Variants in CD2AP observed in about 807,000 individuals in gnomAD.
CD2AP encodes CD2 associated protein, also known as CD2-associated protein.
CD2AP carries 46 observed loss-of-function variants against 85.1 expected under a neutral mutation model. The observed-to-expected ratio is 0.54, with a 90% CI of 0.43 to 0.69. The LOEUF is 0.69. Among genes scored for constraint, CD2AP ranks in the 30% least tolerant of loss-of-function variants. The pLI, the probability that CD2AP is intolerant of heterozygous loss-of-function variation, is 0.00. For missense variants in CD2AP, 769 were observed against 729.5 expected (o/e 1.05, Z -0.62); for synonymous variants, 255 against 252.9 (o/e 1.01, Z -0.08).
intron 4 of CD2AP, among the ~76,000 whole-genome samples, chr6:47,553,301 T>G (rs1351282847): frequency 1.3e-5 from 2 of 151,996 alleles, no homozygotes; most frequent in Non-Finnish European, 2.9e-5. Context: ...TTGTGTGTAG[T>G]GCTGCTAAGT....
At chr6:47,617,104 A>G (rs1197695161) in intron 17 of CD2AP, among the ~76,000 whole-genome samples, 1 of 152,094 alleles carries the variant, frequency 6.6e-6, no homozygotes, top group East Asian at 1.9e-4. Flanking sequence ...AGCTGAGACT[A>G]CAGGCATGCA....
At chr6:47,622,620 C>T (rs922227377) in intron 17 of CD2AP, among the ~76,000 whole-genome samples, 2 of 152,130 alleles carry the variant, frequency 1.3e-5, no homozygotes, top group African/African-American at 4.8e-5. Context: ...TTCTCCAGTG[C>T]GGGGTGTGTG....
chr6:47,521,116 A>G (rs1766578471), intron 2 of CD2AP, among the ~76,000 whole-genome samples: 1 of 152,104 alleles, frequency 6.6e-6, no homozygotes, highest in African/African-American at 2.4e-5. Context: ...GAATAGGGAA[A>G]CACCTACTCC....
chr6:47,588,846 A>G (rs1248911909), intron 11 of CD2AP, among the ~76,000 whole-genome samples: 1 of 152,098 alleles, frequency 6.6e-6, no homozygotes, highest in Non-Finnish European at 1.5e-5. Flanking sequence ...CTCCCCAACC[A>G]TAGAATGTAA....
chr6:47,561,961 G>A (rs1657732872), intron 5 of CD2AP, among the ~76,000 whole-genome samples: 2 of 152,120 alleles, frequency 1.3e-5, no homozygotes, highest in African/African-American at 4.8e-5. Context: ...AGTAGTTACA[G>A]GGTTTCACCG....
intron 2 of CD2AP, among the ~76,000 whole-genome samples, chr6:47,519,604 G>T (rs939494991): frequency 2.0e-5 from 3 of 152,178 alleles, no homozygotes; most frequent in Non-Finnish European, 2.9e-5. Flanking sequence ...TGTTAGGATT[G>T]TTTGGTAGCA....
At chr6:47,610,312 A>G (rs1219698804) in intron 16 of CD2AP, among the ~76,000 whole-genome samples, 2 of 152,180 alleles carry the variant, frequency 1.3e-5, no homozygotes, top group Admixed American at 6.5e-5. Flanking sequence ...ATATATTTTA[A>G]AAAAAGCAGT....
chr6:47,515,118 A>C (rs182057981), intron 2 of CD2AP, among the ~76,000 whole-genome samples: 1 of 152,080 alleles, frequency 6.6e-6, no homozygotes, highest in Non-Finnish European at 1.5e-5. Context: ...TACTGAGTGC[A>C]TTGTAGGTCT....
At chr6:47,537,934 AG>A (rs143250044) in intron 3 of CD2AP, among the ~76,000 whole-genome samples, 3,759 of 151,802 alleles carry the variant, frequency 0.025, 82 homozygotes, top group Admixed American at 0.037. Flanking sequence ...TATTTTTAGT[AG>A]TGATGGGGTT....
chr6:47,489,458 G>A (rs1263955823), intron 1 of CD2AP, among the ~76,000 whole-genome samples: 2 of 152,084 alleles, frequency 1.3e-5, no homozygotes. Flanking sequence ...TTACAGGCAT[G>A]AGCCACCGTG....
intron 11 of CD2AP, among the ~76,000 whole-genome samples, chr6:47,593,946 A>G (rs551403024): frequency 5.9e-5 from 9 of 152,044 alleles, no homozygotes; most frequent in Non-Finnish European, 8.8e-5. Flanking sequence ...GTTTAATGGA[A>G]TATTATTCAG....
chr6:47,596,710 G>A (rs1488217065), intron 12 of CD2AP, among the ~76,000 whole-genome samples: 1 of 152,040 alleles, frequency 6.6e-6, no homozygotes, highest in African/African-American at 2.4e-5. Context: ...GAATAGTGCT[G>A]TAGTAAACAT....
chr6:47,541,175 G>A (rs1163728751), intron 3 of CD2AP, among the ~76,000 whole-genome samples: 2 of 152,112 alleles, frequency 1.3e-5, no homozygotes, highest in African/African-American at 4.8e-5. Flanking sequence ...CCAGGCTGGA[G>A]TGCAGTGGCA....
chr6:47,609,495 G>C, intron 16 of CD2AP, 191 bp downstream of exon 16: 3 of 185,588 alleles, frequency 1.6e-5, no homozygotes, highest in Non-Finnish European at 9.9e-6. Context: ...TGGACGACAT[G>C]ACAAAACCCC....
chr6:47,493,652 C>T (rs1423114507), intron 1 of CD2AP, among the ~76,000 whole-genome samples: 1 of 151,988 alleles, frequency 6.6e-6, no homozygotes, highest in South Asian at 2.1e-4. Context: ...ATATATTCTG[C>T]TCTGTTTCCC....
chr6:47,548,997 C>T (rs948147267), intron 4 of CD2AP, among the ~76,000 whole-genome samples: 2 of 152,016 alleles, frequency 1.3e-5, no homozygotes, highest in Non-Finnish European at 2.9e-5. Context: ...TAGACAAAAT[C>T]CAGCATCACT....
rs1223154363 is a variant in CD2AP at position 47,609,028 on chromosome 6, T to A, written c.1633-95T>A. 3.1e-6 allele frequency: 3 copies of A among 952,914 alleles called. No homozygotes were observed. In the Admixed American group the frequency reaches 8.3e-5, roughly 26 times the overall value. 59.0% of individuals were successfully genotyped at this position (952,914 alleles called of 1,614,324 possible). ...GAATTTCCAAATTTGCCACTTATCTTGAAGTACTTAATTGTTTTTCTTCTT... is the reference window on the plus strand; with the variant it reads ...GAATTTCCAAATTTGCCACTTATCTAGAAGTACTTAATTGTTTTTCTTCTT... On this transcript the variant is annotated intron_variant, in intron 15 of 17. Coordinates refer to ENST00000359314, the MANE Select transcript of CD2AP (RefSeq NM_012120.3).
At chr6:47,610,972 T>TATATATATATATATATATATATATATA (rs1491427733) in intron 16 of CD2AP, among the ~76,000 whole-genome samples, 24 of 56,310 alleles carry the variant, frequency 4.3e-4, no homozygotes, top group African/African-American at 1.8e-3. Flanking sequence ...TATATATGTA[T>TATATATATATATATATATATATATATA]TTTTTTTTTT....
At chr6:47,576,898 A>G in intron 7 of CD2AP, 111 bp from the exon 8 acceptor site, 4 of 726,478 alleles carry the variant, frequency 5.5e-6, no homozygotes, top group Middle Eastern at 3.5e-4. Flanking sequence ...AAAGATAATT[A>G]AGTTCATCTC....
Sources: gnomAD v4.1 joint callset for allele counts (sites outside exome capture counted in the v4.1 genomes callset) on GRCh38, gnomAD v4.1.1 for gene constraint, MANE v1.5 for transcripts, NCBI Gene and HGNC (gene_info 2026-07-23, HGNC 2026-07-21) for gene names.